The following GCNT2 variants were observed in gnomAD, a reference collection of about 807,000 sequenced individuals.
GCNT2 encodes the protein N-acetyllactosaminide beta-1,6-N-acetylglucosaminyl-transferase.
In GCNT2, 34 loss-of-function variants were observed where a neutral mutation model predicts 34.2. That is an observed-to-expected ratio of 1.00 (90% CI 0.76 to 1.32). GCNT2 has a LOEUF of 1.32. Among genes scored for constraint, GCNT2 ranks in the 40% most tolerant of loss-of-function variants. GCNT2 has a pLI of 0.00. For missense variants in GCNT2, 584 were observed against 489.4 expected (o/e 1.19, Z -1.82); for synonymous variants, 212 against 188.0 (o/e 1.13, Z -1.04).
chr6:10,583,849 C>G lies in GCNT2; in HGVS notation c.926-37502C>G, dbSNP rs547242185. 4.7e-4 allele frequency among the ~76,000 whole-genome samples: 71 copies of G among 152,226 alleles called. 2 individuals are homozygous for G. In the South Asian group the frequency reaches 0.012, roughly 27 times the overall value. ...TGTCAACAGCTCAAGTTATCTGAAGCTCTCTTTGTGAAATGGGACCCAACT... is the reference window on the plus strand; with the variant it reads ...TGTCAACAGCTCAAGTTATCTGAAGGTCTCTTTGTGAAATGGGACCCAACT... On this transcript the variant is annotated intron_variant, in intron 3 of 4. Coordinates refer to ENST00000495262, the MANE Select transcript of GCNT2 (RefSeq NM_145649.5).
intron 3 of GCNT2, among the ~76,000 whole-genome samples, chr6:10,590,544 C>A (rs1224819592): frequency 1.3e-5 from 2 of 148,244 alleles, no homozygotes; most frequent in African/African-American, 4.9e-5. Context: ...CCCCACACTT[C>A]TGCAATTTTC....
chr6:10,544,612 A>G (rs2113606509), intron 3 of GCNT2, among the ~76,000 whole-genome samples: 1 of 149,344 alleles, frequency 6.7e-6, no homozygotes, highest in East Asian at 1.9e-4. Flanking sequence ...TCAAAAATAA[A>G]TACATAAAAT....
chr6:10,561,442 A>G (rs183245704), intron 3 of GCNT2, among the ~76,000 whole-genome samples: 45 of 152,310 alleles, frequency 3.0e-4, no homozygotes, highest in Non-Finnish European at 4.1e-4. Context: ...GATTACAGGT[A>G]TGAACCACTG....
intron 3 of GCNT2, among the ~76,000 whole-genome samples, chr6:10,576,296 A>G (rs775444644): frequency 8.5e-5 from 13 of 152,210 alleles, no homozygotes; most frequent in Non-Finnish European, 1.8e-4. Context: ...TGTTATGGCT[A>G]TTTTCGCACC....
intron 3 of GCNT2, among the ~76,000 whole-genome samples, chr6:10,561,223 C>T (rs1386136277): frequency 6.6e-6 from 1 of 152,122 alleles, no homozygotes; most frequent in Non-Finnish European, 1.5e-5. Flanking sequence ...AGTGCAATGG[C>T]ACGATCTTGG....
chr6:10,624,797 A>AGGCTGGAGTGCAG, intron 4 of GCNT2, among the ~76,000 whole-genome samples: 1 of 151,842 alleles, frequency 6.6e-6, no homozygotes, highest in African/African-American at 2.4e-5. Context: ...GCCGCCAGCT[A>AGGCTGGAGTGCAG]TGGTCTCAGC....
chr6:10,526,416 T>C (rs745651382), intron 1 of GCNT2, among the ~76,000 whole-genome samples: 1 of 152,180 alleles, frequency 6.6e-6, no homozygotes, highest in Non-Finnish European at 1.5e-5. Context: ...TGTTCGCTTT[T>C]AGCTGGGTTA....
At chr6:10,528,246 T>C (rs1436066509) in intron 2 of GCNT2, 1 of 153,878 alleles carries the variant, frequency 6.5e-6, no homozygotes, top group African/African-American at 2.4e-5. Flanking sequence ...CAGTAGCCAG[T>C]CATATGCCAT....
At chr6:10,552,164 G>A (rs1762514320) in intron 3 of GCNT2, among the ~76,000 whole-genome samples, 1 of 152,086 alleles carries the variant, frequency 6.6e-6, no homozygotes, top group Non-Finnish European at 1.5e-5. Flanking sequence ...TTGGGCCCCC[G>A]GAGAAGCAGG....
rs142804193 is a variant in GCNT2 at position 10,574,991 on chromosome 6, C to G, written c.925+45155C>G. ...CTCTTGGCAAGAATCTTGCCCTTAA[C>G]TTGTTTGTTTACAACAATGCCAACG... On this transcript the variant is annotated intron_variant, in intron 3 of 4. Coordinates refer to ENST00000495262, the MANE Select transcript of GCNT2 (RefSeq NM_145649.5). 262 of 705,912 alleles carry G rather than the reference C, an allele frequency of 3.7e-4. 1 individual carries two copies. The East Asian group carries it at 6.2e-3, about 17-fold the overall frequency. 43.7% of individuals were successfully genotyped at this position (705,912 alleles called of 1,614,324 possible). A position where few individuals can be genotyped will look rare whatever the true frequency, so the allele number is the denominator to read the frequency against.
chr6:10,581,994 A>AG, intron 3 of GCNT2: 1 of 267,036 alleles, frequency 3.7e-6, no homozygotes, highest in Non-Finnish European at 5.6e-6. Context: ...ATATGTATAT[A>AG]TAAATATATT....
intron 3 of GCNT2, among the ~76,000 whole-genome samples, chr6:10,587,111 G>C (rs1322219399): frequency 6.6e-6 from 1 of 152,160 alleles, no homozygotes; most frequent in South Asian, 2.1e-4. Context: ...AGAAATGCTG[G>C]CTGCAGTCGC....
intron 3 of GCNT2, among the ~76,000 whole-genome samples, chr6:10,545,952 G>A (rs1050757365): frequency 1.3e-5 from 2 of 152,122 alleles, no homozygotes; most frequent in Non-Finnish European, 2.9e-5. Context: ...AAGGTTGCAG[G>A]GTCTAGTTCC....
At chr6:10,610,239 C>T (rs1765490458) in intron 3 of GCNT2, among the ~76,000 whole-genome samples, 2 of 152,082 alleles carry the variant, frequency 1.3e-5, no homozygotes, top group South Asian at 4.2e-4. Flanking sequence ...TTTCAACAGT[C>T]GTAGCTGGAA....
At chr6:10,587,432 T>C (rs1764405853) in intron 3 of GCNT2, among the ~76,000 whole-genome samples, 1 of 152,186 alleles carries the variant, frequency 6.6e-6, no homozygotes, top group South Asian at 2.1e-4. Context: ...TGGTTTAAGA[T>C]CTGAACAAGT....
At chr6:10,570,078 C>T (rs1274588827) in intron 3 of GCNT2, among the ~76,000 whole-genome samples, 2 of 152,048 alleles carry the variant, frequency 1.3e-5, no homozygotes, top group Non-Finnish European at 1.5e-5. Context: ...ATGCGTTCCT[C>T]CCATGCACCA....
Position 10,626,552 on chromosome 6 carries a change from G to A in GCNT2, c.1154G>A (p.Arg385His), listed in dbSNP as rs55940927. The A allele has an allele frequency of 1.6e-5, 26 of 1,613,644 alleles. No homozygotes were observed. The East Asian group carries it at 2.5e-4, about 15-fold the overall frequency. ...GTGGAATGCCTAGAACTGAGGCATC[G>A]CGAAAGAACCCTCAATCAGAGTGAA... ...LTVECLELRH[R>H]ERTLNQSETA... Residue 385 changes from arginine to histidine, a missense_variant, in exon 5 of 5, where the codon CGC (arginine) becomes CAC (histidine). Physicochemically the swap from Arg to His is conservative, Grantham distance 29. Transcript: ENST00000495262.
chr6:10,529,620 T>C lies in GCNT2; in HGVS notation c.709T>C (p.Leu237=), dbSNP rs1561778307. 2 of 1,613,864 alleles carry C rather than the reference T, an allele frequency of 1.2e-6. No individual in the cohort carries two copies. Among genetic ancestry groups the C allele is most frequent in the Non-Finnish European group, 1.7e-6 (2 of 1,179,952 alleles). Residue 237 remains leucine, a synonymous_variant, in exon 3 of 5, where the codon TTA becomes CTA. Coordinates refer to ENST00000495262, the MANE Select transcript of GCNT2 (RefSeq NM_145649.5). ...GACTAAATACGTCCACCAAGAACTG[T>C]TAAACCACAAAAATTCCTACGTGAT... ...GRTKYVHQEL[L]NHKNSYVIKT...
intron 3 of GCNT2, among the ~76,000 whole-genome samples, chr6:10,592,423 G>A (rs1026767416): frequency 6.6e-6 from 1 of 152,108 alleles, no homozygotes; most frequent in African/African-American, 2.4e-5. Context: ...GGATCACAGG[G>A]GAAGATTTTA....
Sources: gnomAD v4.1 joint callset for allele counts (sites outside exome capture counted in the v4.1 genomes callset) on GRCh38, gnomAD v4.1.1 for gene constraint, MANE v1.5 for transcripts, NCBI Gene and HGNC (gene_info 2026-07-23, HGNC 2026-07-21) for gene names.